RMDN2: variants seen among roughly 807,000 people sequenced by gnomAD.
RMDN2 encodes the protein regulator of microtubule dynamics 2.
In RMDN2, 61 loss-of-function variants were observed where a neutral mutation model predicts 52.8. The ratio of observed to expected loss-of-function variants is 1.16; its 90% CI spans 0.94 to 1.43. RMDN2 has a LOEUF of 1.43. Among genes scored for constraint, RMDN2 ranks in the 40% most tolerant of loss-of-function variants. The pLI is 0.00. For missense variants in RMDN2, 592 were observed against 475.3 expected (o/e 1.25, Z -2.28); for synonymous variants, 180 against 153.1 (o/e 1.18, Z -1.30).
intron 5 of RMDN2, among the ~76,000 whole-genome samples, chr2:37,989,123 A>T (rs554969320): frequency 6.6e-6 from 1 of 152,336 alleles, no homozygotes; most frequent in Non-Finnish European, 1.5e-5. Flanking sequence ...TGACTTTAAC[A>T]GTATTTTTAA....
At chr2:37,929,769 T>C in intron 2 of RMDN2, 40 bp downstream of exon 2, 1 of 1,289,728 alleles carries the variant, frequency 7.8e-7, no homozygotes, top group South Asian at 1.6e-5. Context: ...GAATTGGTTA[T>C]TATCATTATT....
chr2:37,938,285 G>T (rs372746862), intron 2 of RMDN2, among the ~76,000 whole-genome samples: 1 of 152,156 alleles, frequency 6.6e-6, no homozygotes, highest in East Asian at 1.9e-4. Context: ...TGTGCTGCTG[G>T]ATTTGGTTTG....
At chr2:38,003,608 A>ATAGG (rs3056307) in intron 8 of RMDN2, among the ~76,000 whole-genome samples, 3 of 149,846 alleles carry the variant, frequency 2.0e-5, no homozygotes, top group Non-Finnish European at 4.5e-5. Flanking sequence ...AGATAGGCAG[A>ATAGG]CAGACAGACA....
At chr2:37,956,193 C>G (rs1218345024) in intron 2 of RMDN2, among the ~76,000 whole-genome samples, 1 of 152,100 alleles carries the variant, frequency 6.6e-6, no homozygotes, top group Non-Finnish European at 1.5e-5. Flanking sequence ...AATATTTGGG[C>G]TTTCACTTTT....
chr2:38,020,548 G>A (rs1352433800), downstream of RMDN2, among the ~76,000 whole-genome samples: 1 of 152,254 alleles, frequency 6.6e-6, no homozygotes, highest in Non-Finnish European at 1.5e-5. Flanking sequence ...TGTGCCCGGC[G>A]CTTGCGGGCC....
At chr2:38,030,701 A>C (rs1680135511) in intron 10 of RMDN2, 1 of 152,256 alleles carries the variant, frequency 6.6e-6, no homozygotes, top group African/African-American at 2.4e-5. Flanking sequence ...ATAGTTTAAG[A>C]AAATGATATC....
intron 2 of RMDN2, chr2:37,951,782 T>C (rs777230222): frequency 3.1e-6 from 5 of 1,613,380 alleles, no homozygotes; most frequent in Admixed American, 1.7e-5. Context: ...ATTTTAAGAA[T>C]TTTGAAACAA....
intron 1 of RMDN2, among the ~76,000 whole-genome samples, chr2:37,926,800 G>C (rs540097345): frequency 1.2e-4 from 18 of 152,180 alleles, no homozygotes; most frequent in South Asian, 2.1e-4. Context: ...GCCGGGCGTG[G>C]TTGCCCACGC....
intron 6 of RMDN2, among the ~76,000 whole-genome samples, chr2:37,991,018 C>G (rs1407870434): frequency 6.6e-6 from 1 of 152,138 alleles, no homozygotes; most frequent in Non-Finnish European, 1.5e-5. Flanking sequence ...TTTATTAAAT[C>G]CTAGTCACAG....
chr2:38,049,992 G>T (rs538299116), intron 10 of RMDN2, among the ~76,000 whole-genome samples: 1 of 152,286 alleles, frequency 6.6e-6, no homozygotes, highest in South Asian at 2.1e-4. Flanking sequence ...TAAGCTAATA[G>T]CATGTGTTAT....
chr2:37,979,998 T>A (rs1673093701), intron 4 of RMDN2, among the ~76,000 whole-genome samples: 1 of 152,230 alleles, frequency 6.6e-6, no homozygotes, highest in Non-Finnish European at 1.5e-5. Flanking sequence ...TGTCGATTTC[T>A]ACACAGAATA....
chr2:37,929,729 G>T lies in RMDN2; in HGVS notation c.452G>T (p.Gly151Val). The stretch of plus-strand genomic sequence containing the variant: ...TCAGAGGAAGCAGAAAGTGAAGGAG[G>T]GTAAGTTTCTTTAAGATATTTCCTA... ...NSSEEAESEGGYITANTDTEE... is the reference protein window; with the variant it reads ...NSSEEAESEGVYITANTDTEE... Residue 151 changes from glycine (G) to valine (V), a missense_variant and splice_region_variant, in exon 2 of 11, where the codon GGG becomes GTG. Gly to Val is a moderately radical substitution (Grantham distance 109, BLOSUM62 -3). Transcript: ENST00000354545. 6.7e-7 allele frequency: 1 copy of T among 1,489,622 alleles called. No individual in the cohort carries two copies. Among genetic ancestry groups the T allele is most frequent in the South Asian group, 1.4e-5 (1 of 73,568 alleles). 92.3% of individuals were successfully genotyped at this position (1,489,622 alleles called of 1,614,324 possible).
At chr2:38,006,183 T>C (rs1011305179) in intron 10 of RMDN2, among the ~76,000 whole-genome samples, 107 of 152,318 alleles carry the variant, frequency 7.0e-4, no homozygotes, top group African/African-American at 2.3e-3. Flanking sequence ...CTTGGCAATG[T>C]GGGCTCTTTT....
rs1225816710 is a variant in RMDN2, at chr2:38,047,513, C to T, written c.1714-19469C>T. Among the ~76,000 whole-genome samples, 3 of 152,156 alleles carry T rather than the reference C, an allele frequency of 2.0e-5. No homozygotes were observed. The East Asian group carries it at 5.8e-4, about 29-fold the overall frequency. ...TATGCTAAGTGAAAGAAGCTGGATG[C>T]AAAACAAACAAACACAAAACACATA... On this transcript the variant is annotated intron_variant, in intron 10 of 10. Coordinates refer to the RMDN2 transcript ENST00000234195.
At chr2:38,036,137 A>C (rs1317751683) in intron 10 of RMDN2, 1 of 152,184 alleles carries the variant, frequency 6.6e-6, no homozygotes, top group Admixed American at 6.5e-5. Context: ...ATATAGAATC[A>C]TGAAGATCTC....
At chr2:38,061,237 C>G (rs1682034698) in intron 10 of RMDN2, among the ~76,000 whole-genome samples, 1 of 151,952 alleles carries the variant, frequency 6.6e-6, no homozygotes, top group Non-Finnish European at 1.5e-5. Context: ...GAAGGAAATG[C>G]AGGCACTGAG....
At chr2:38,040,031 C>T (rs1397057470) in intron 10 of RMDN2, among the ~76,000 whole-genome samples, 4 of 141,026 alleles carry the variant, frequency 2.8e-5, no homozygotes, top group African/African-American at 1.0e-4. Flanking sequence ...CAGTATAAGG[C>T]CTGTGTCTAG....
At chr2:37,990,852 T>C (rs1028447108) in intron 6 of RMDN2, among the ~76,000 whole-genome samples, 1 of 152,228 alleles carries the variant, frequency 6.6e-6, no homozygotes, top group Non-Finnish European at 1.5e-5. Context: ...ACTCTGCTAT[T>C]TTTTCTGCCA....
At chr2:37,956,862 G>A (rs1214241318) in intron 2 of RMDN2, among the ~76,000 whole-genome samples, 1 of 151,654 alleles carries the variant, frequency 6.6e-6, no homozygotes, top group African/African-American at 2.4e-5. Flanking sequence ...ATGTCCATGT[G>A]TTCTCATTGT....
Sources: allele counts gnomAD v4.1 joint callset (sites outside exome capture counted in the v4.1 genomes callset), GRCh38; gene constraint gnomAD v4.1.1; transcripts MANE v1.5; gene names NCBI Gene and HGNC (gene_info 2026-07-23, HGNC 2026-07-21).